Variants in CEP290 observed in about 807,000 individuals in gnomAD.
CEP290 encodes centrosomal protein 290.
Under a neutral mutation model 344.9 loss-of-function variants are expected in CEP290, and 317 were observed. The ratio of observed to expected loss-of-function variants is 0.92; its 90% CI spans 0.84 to 1.01. The LOEUF (loss-of-function observed/expected upper bound fraction) is 1.01. Among genes scored for constraint, CEP290 ranks in the 50% least tolerant of loss-of-function variants. The pLI is 0.00. For missense variants in CEP290, 2,754 were observed against 2,761.4 expected (o/e 1.00, Z 0.06); for synonymous variants, 932 against 895.8 (o/e 1.04, Z -0.72).
intron 44 of CEP290, among the ~76,000 whole-genome samples, chr12:88,065,242 C>T (rs560122804): frequency 7.7e-4 from 117 of 151,782 alleles, no homozygotes; most frequent in Non-Finnish European, 1.2e-3. Flanking sequence ...GTTACTCCAC[C>T]GACATTATGG....
intron 26 of CEP290, among the ~76,000 whole-genome samples, chr12:88,100,231 C>T (rs2037770528): frequency 6.6e-6 from 1 of 151,698 alleles, no homozygotes; most frequent in African/African-American, 2.4e-5. Context: ...GATCACTCCA[C>T]TGCACTCCAG....
chr12:88,061,787 T>G (rs76817516), intron 46 of CEP290, among the ~76,000 whole-genome samples: 7,789 of 152,158 alleles, frequency 0.051, 676 homozygotes, highest in African/African-American at 0.18. Flanking sequence ...CTTTTTTTTT[T>G]TTGTTTTAAA....
intron 49 of CEP290, among the ~76,000 whole-genome samples, chr12:88,056,485 G>A (rs1283711165): frequency 6.6e-6 from 1 of 152,128 alleles, no homozygotes; most frequent in African/African-American, 2.4e-5. Context: ...TATTCAAACA[G>A]CTTTTGATAG....
Position 88,139,525 on chromosome 12 carries a change from C to G in CEP290, c.220G>C (p.Glu74Gln), listed in dbSNP as rs1243132131. The stretch of plus-strand genomic sequence containing the variant: ...TTTGCTTGTTCTTCTCCAGCTTTTT[C>G]TACTTCTTCCAAAGCCAGCTCCACT... ...QEVELALEEV[E>Q]KAGEEQAKFE... Residue 74 changes from glutamate to glutamine, a missense_variant, in exon 4 of 54, where the codon GAA becomes CAA. Coordinates refer to ENST00000552810, the MANE Select transcript of CEP290 (RefSeq NM_025114.4). 2 of 1,595,704 alleles carry G rather than the reference C, an allele frequency of 1.3e-6. No homozygotes were observed. Among genetic ancestry groups the G allele is most frequent in the Non-Finnish European group, 1.7e-6 (2 of 1,172,312 alleles).
intron 44 of CEP290, among the ~76,000 whole-genome samples, chr12:88,065,212 C>G (rs1373424057): frequency 6.6e-6 from 1 of 151,782 alleles, no homozygotes; most frequent in Non-Finnish European, 1.5e-5. Flanking sequence ...TCTCTATTGG[C>G]TTGATGGGCT....
intron 17 of CEP290, among the ~76,000 whole-genome samples, chr12:88,117,629 G>A (rs1290162829): frequency 6.6e-6 from 1 of 152,144 alleles, no homozygotes; most frequent in African/African-American, 2.4e-5. Context: ...TTACAAAAAA[G>A]CACTGCAATG....
Position 88,139,511 on chromosome 12 carries a change from T to C in CEP290, c.234A>G (p.Glu78=). 6.2e-7 allele frequency: 1 copy of C among 1,600,356 alleles called. No homozygotes were observed. The highest frequency in any genetic ancestry group is 8.5e-7 in the Non-Finnish European group (1 of 1,174,334). Residue 78 remains glutamate, a synonymous_variant, in exon 4 of 54, where the codon GAA becomes GAG. Transcript: ENST00000552810. ...GGTGCTTACCAAATTTTGCTTGTTC[T>C]TCTCCAGCTTTTTCTACTTCTTCCA... The part of the protein sequence containing the change: ...LALEEVEKAG[E]EQAKFENQLK...
intron 22 of CEP290, among the ~76,000 whole-genome samples, chr12:88,109,618 A>T (rs938750522): frequency 6.6e-6 from 1 of 152,194 alleles, no homozygotes; most frequent in Admixed American, 6.5e-5. Context: ...TACCAAGTAC[A>T]TATGCTAGGC....
chr12:88,096,181 T>C (rs2037415566), intron 27 of CEP290, among the ~76,000 whole-genome samples: 1 of 152,178 alleles, frequency 6.6e-6, no homozygotes, highest in Non-Finnish European at 1.5e-5. Flanking sequence ...CCTGAGTAGA[T>C]GGAATTACAG....
rs1208870391 is a variant in CEP290 at position 88,118,508 on chromosome 12, T to C, written c.1686A>G (p.Glu562=). The C allele has an allele frequency of 6.4e-7, 1 of 1,564,946 alleles. No homozygotes were observed. Among genetic ancestry groups the C allele is most frequent in the Non-Finnish European group, 8.7e-7 (1 of 1,153,072 alleles). Residue 562 remains glutamate (E), a synonymous_variant, in exon 17 of 54, where the codon GAA becomes GAG. Coordinates refer to ENST00000552810, the MANE Select transcript of CEP290 (RefSeq NM_025114.4). ...CTGAAGTTGCACTTCTTTTTCCTCT[T>C]TCTTGAGCCATTTGACGAATTTTTT... is the stretch of plus-strand genomic sequence containing the variant. The part of the protein sequence containing the change: ...LKKKIRQMAQ[E]RGKRSATSGL...
At chr12:88,084,130 C>T (rs556966606) in intron 35 of CEP290, among the ~76,000 whole-genome samples, 176 bp from the exon 36 acceptor site, 18 of 152,198 alleles carry the variant, frequency 1.2e-4, no homozygotes, top group African/African-American at 4.3e-4. Flanking sequence ...AGACAATGTT[C>T]AAGTTGACAA....
chr12:88,064,106 T>C lies in CEP290; in HGVS notation c.6145A>G (p.Ile2049Val), dbSNP rs750355861. 4.5e-6 allele frequency: 7 copies of C among 1,562,254 alleles called. No individual in the cohort carries two copies. In the South Asian group the frequency reaches 6.1e-5, roughly 14 times the overall value. ...CTCTGACAATGATCATCTGACTCTATTCCTGAAATCTTCAGGGAAATGAAA... is the reference window on the plus strand; with the variant it reads ...CTCTGACAATGATCATCTGACTCTACTCCTGAAATCTTCAGGGAAATGAAA... ...DTYSKPSISG[I>V]ESDDHCQREQ... The change falls in exon 45 of 54, where the codon ATA (isoleucine) becomes GTA (valine). Residue 2049 changes from isoleucine to valine, a missense_variant. By Grantham distance (29) the Ile-to-Val change is conservative (BLOSUM62 3). Transcript: ENST00000552810.
At chr12:88,080,449 A>T in intron 37 of CEP290, 54 bp from the exon 38 acceptor site, 1 of 1,350,920 alleles carries the variant, frequency 7.4e-7, no homozygotes, top group Non-Finnish European at 1.0e-6. Flanking sequence ...AATTTTTTTG[A>T]GACCCAGTCT....
chr12:88,097,339 A>C (rs2137432006), intron 26 of CEP290, among the ~76,000 whole-genome samples: 1 of 152,044 alleles, frequency 6.6e-6, no homozygotes, highest in African/African-American at 2.4e-5. Flanking sequence ...TCATAATAGT[A>C]AGTTCTCACG....
chr12:88,067,953 A>T (rs2035065708), intron 44 of CEP290, among the ~76,000 whole-genome samples: 1 of 152,200 alleles, frequency 6.6e-6, no homozygotes, highest in Admixed American at 6.5e-5. Flanking sequence ...GGTTCTGAAC[A>T]AAGTGTTTCT....
intron 13 of CEP290, among the ~76,000 whole-genome samples, chr12:88,124,839 T>G (rs1329280367): frequency 6.6e-6 from 1 of 152,026 alleles, no homozygotes; most frequent in Non-Finnish European, 1.5e-5. Flanking sequence ...GTAAGGAGAA[T>G]ATGATGAAAC....
intron 44 of CEP290, among the ~76,000 whole-genome samples, chr12:88,064,409 T>C (rs1231048328): frequency 6.6e-6 from 1 of 152,076 alleles, no homozygotes; most frequent in Non-Finnish European, 1.5e-5. Flanking sequence ...TGATCTATGG[T>C]GGTTTTACTA....
At position 88,102,910 on chromosome 12, in the gene CEP290, A is replaced by C. The variant is rs2038002466; in HGVS notation, c.2919T>G (p.Thr973=). 1 of 1,610,618 alleles carries C rather than the reference A, an allele frequency of 6.2e-7. No homozygotes were observed. Among genetic ancestry groups the C allele is most frequent in the African/African-American group, 1.3e-5 (1 of 74,792 alleles). The change falls in exon 26 of 54, where the codon ACT becomes ACG. Residue 973 remains threonine, a synonymous_variant. Transcript: ENST00000552810. ...ELANKQYNEL[T]AKYRDILQKD... Reference sequence around the variant, plus strand: ...TTTGCAAGATGTCCCTGTACTTAGCAGTCAGTTCATTGTACTGTTTATTAG... The same window carrying C: ...TTTGCAAGATGTCCCTGTACTTAGCCGTCAGTTCATTGTACTGTTTATTAG...
chr12:88,071,273 C>T (rs1233865899), intron 43 of CEP290, 21 bp downstream of exon 43: 9 of 1,583,498 alleles, frequency 5.7e-6, no homozygotes, highest in Non-Finnish European at 7.8e-6. Flanking sequence ...ATGGGTGGCA[C>T]ATTTCCACAT....
Sources: gnomAD v4.1 joint callset for allele counts (sites outside exome capture counted in the v4.1 genomes callset) on GRCh38, gnomAD v4.1.1 for gene constraint, MANE v1.5 for transcripts, NCBI Gene and HGNC (gene_info 2026-07-23, HGNC 2026-07-21) for gene names.